DACH2: variants seen among roughly 807,000 people sequenced by gnomAD.
DACH2 encodes the protein dachshund family transcription factor 2, also known as dachshund homolog 2.
Under a neutral mutation model 35.8 loss-of-function variants are expected in DACH2, and 17 were observed. That is an observed-to-expected ratio of 0.48 (90% CI 0.33 to 0.71). The LOEUF is 0.71. Among genes scored for constraint, DACH2 ranks in the 30% least tolerant of loss-of-function variants. The pLI is 0.02. For missense variants in DACH2, 469 were observed against 472.7 expected (o/e 0.99, Z 0.07); for synonymous variants, 195 against 177.3 (o/e 1.10, Z -0.79).
At chrX:86,494,249 T>A (rs934518067) in intron 2 of DACH2, among the ~76,000 whole-genome samples, 2 of 111,880 alleles carry the variant, frequency 1.8e-5, no homozygotes, top group African/African-American at 3.2e-5. Context: ...TTGCAGGGAG[T>A]GACTTTTAAA....
At chrX:86,460,779 G>A (rs184978212) in intron 2 of DACH2, among the ~76,000 whole-genome samples, 2 of 110,605 alleles carry the variant, frequency 1.8e-5, no homozygotes, top group East Asian at 2.8e-4. Flanking sequence ...AGTGGGACTA[G>A]AATAGTGTCA....
At chrX:86,546,125 T>G (rs1482469325) in intron 3 of DACH2, among the ~76,000 whole-genome samples, 1 of 102,433 alleles carries the variant, frequency 9.8e-6, no homozygotes, top group Non-Finnish European at 2.1e-5. Context: ...TGCAGCAGGT[T>G]TTTTTCCTTG....
chrX:86,431,351 G>A (rs2036981989), intron 2 of DACH2, among the ~76,000 whole-genome samples: 1 of 111,848 alleles, frequency 8.9e-6, no homozygotes, highest in Admixed American at 9.6e-5. Context: ...TTTTTAAAGA[G>A]GGAAAAAAGC....
chrX:86,464,703 T>A (rs1324359121), intron 2 of DACH2, among the ~76,000 whole-genome samples: 2 of 110,563 alleles, frequency 1.8e-5, no homozygotes, highest in East Asian at 2.8e-4. Context: ...AAATAAAAAA[T>A]AAATATTCAA....
chrX:86,380,611 C>T (rs977508168), intron 2 of DACH2, among the ~76,000 whole-genome samples: 9 of 110,144 alleles, frequency 8.2e-5, no homozygotes, highest in Admixed American at 1.9e-4. Flanking sequence ...TTTTGCTACA[C>T]TTAATCCACA....
At chrX:86,454,215 C>G (rs192003732) in intron 2 of DACH2, among the ~76,000 whole-genome samples, 32 of 111,299 alleles carry the variant, frequency 2.9e-4, no homozygotes, top group African/African-American at 9.8e-4. Context: ...AACACTTTTT[C>G]TTTCATTTTG....
At chrX:86,222,482 T>C (rs1222422384) in intron 1 of DACH2, among the ~76,000 whole-genome samples, 2 of 111,833 alleles carry the variant, frequency 1.8e-5, no homozygotes, top group South Asian at 3.7e-4. Flanking sequence ...TATTATGTAG[T>C]AGCAAGTAGA....
intron 1 of DACH2, among the ~76,000 whole-genome samples, chrX:86,198,571 A>G (rs1472578428): frequency 1.8e-5 from 2 of 111,392 alleles, no homozygotes; most frequent in Non-Finnish European, 3.8e-5. Flanking sequence ...AATTAAAAAC[A>G]AAAAAGGGGA....
chrX:86,726,998 C>A (rs898956764), intron 6 of DACH2, among the ~76,000 whole-genome samples: 1 of 112,034 alleles, frequency 8.9e-6, no homozygotes, highest in Non-Finnish European at 1.9e-5. Context: ...ATTTTATGAT[C>A]CTAGCAGTTT....
chrX:86,306,400 G>A (rs2034688964), intron 1 of DACH2, among the ~76,000 whole-genome samples: 1 of 111,981 alleles, frequency 8.9e-6, no homozygotes, highest in Non-Finnish European at 1.9e-5. Context: ...ATAAGTTGAT[G>A]TCTGTGATGG....
At chrX:86,690,156 A>G (rs2040993118) in intron 4 of DACH2, among the ~76,000 whole-genome samples, 1 of 112,048 alleles carries the variant, frequency 8.9e-6, no homozygotes, top group African/African-American at 3.2e-5. Context: ...TGCTAAGGTG[A>G]AGAATGATTG....
chrX:86,780,818 G>A (rs1353024258), intron 7 of DACH2, among the ~76,000 whole-genome samples: 1 of 111,374 alleles, frequency 9.0e-6, no homozygotes, highest in African/African-American at 3.3e-5. Flanking sequence ...GGCTTGTTGG[G>A]GATCGCTCCT....
intron 4 of DACH2, among the ~76,000 whole-genome samples, chrX:86,685,076 G>C (rs945803855): frequency 1.5e-4 from 17 of 111,835 alleles, no homozygotes; most frequent in African/African-American, 5.2e-4. Flanking sequence ...GAAGGTGACA[G>C]AGTTCCTACA....
chrX:86,552,381 T>G, intron 3 of DACH2, among the ~76,000 whole-genome samples: 1 of 111,726 alleles, frequency 9.0e-6, no homozygotes, highest in Non-Finnish European at 1.9e-5. Context: ...CTCAGTTTTT[T>G]CCCTATTATC....
chrX:86,718,376 C>G (rs1264803652), intron 6 of DACH2, among the ~76,000 whole-genome samples: 2 of 111,155 alleles, frequency 1.8e-5, no homozygotes, highest in Admixed American at 1.9e-4. Context: ...ATTCTGATTA[C>G]TAATCCCCTG....
chrX:86,832,159 G>T lies in DACH2; in HGVS notation c.*4G>T, dbSNP rs1464146128. ...ACAACAGTTGTATTCAGCCTGAAAG[G>T]TCCTCGCTGGCTTTACATAAATGAA... On this transcript the variant is annotated 3_prime_UTR_variant, in exon 12 of 12. Coordinates refer to ENST00000373125, the MANE Select transcript of DACH2 (RefSeq NM_053281.3). The T allele has an allele frequency of 1.7e-6, 2 of 1,176,200 alleles. No individual in the cohort carries two copies. The highest frequency in any genetic ancestry group is 3.0e-5 in the East Asian group (1 of 33,520).
At chrX:86,406,953 G>A (rs1379383538) in intron 2 of DACH2, among the ~76,000 whole-genome samples, 1 of 112,031 alleles carries the variant, frequency 8.9e-6, no homozygotes, top group African/African-American at 3.2e-5. Context: ...GAAAATGCAT[G>A]CAAAGAAACT....
intron 11 of DACH2, among the ~76,000 whole-genome samples, chrX:86,822,101 G>A (rs929690584): frequency 7.2e-5 from 8 of 111,641 alleles, no homozygotes; most frequent in Non-Finnish European, 1.3e-4. Flanking sequence ...TATACCTGAA[G>A]GACATGCAAA....
At chrX:86,408,741 C>A (rs769368599) in intron 2 of DACH2, among the ~76,000 whole-genome samples, 1 of 111,532 alleles carries the variant, frequency 9.0e-6, no homozygotes, top group East Asian at 2.8e-4. Flanking sequence ...CTGTTAGGAT[C>A]TGAACACAGG....
Sources: allele counts gnomAD v4.1 joint callset (sites outside exome capture counted in the v4.1 genomes callset), GRCh38; gene constraint gnomAD v4.1.1; transcripts MANE v1.5; gene names NCBI Gene and HGNC (gene_info 2026-07-23, HGNC 2026-07-21).